AP3D1: variants seen among roughly 807,000 people sequenced by gnomAD.
AP3D1 encodes adaptor related protein complex 3 subunit delta 1.
AP3D1 carries 51 observed loss-of-function variants against 147.6 expected under a neutral mutation model. The observed-to-expected ratio is 0.35, with a 90% CI of 0.28 to 0.44. The LOEUF (loss-of-function observed/expected upper bound fraction) is 0.44. AP3D1 is among the 20% of genes least tolerant of loss of function. The pLI is 1.00. For synonymous variants in AP3D1, 760 were observed against 663.0 expected, an observed-to-expected ratio of 1.15 and a Z score of -2.25; for missense variants, 1,421 against 1,624.2, an observed-to-expected ratio of 0.87 and a Z score of 2.15.
chr19:2,163,847 C>T (rs1039650706), intron 1 of AP3D1, among the ~76,000 whole-genome samples: 2 of 149,902 alleles, frequency 1.3e-5, no homozygotes, highest in Non-Finnish European at 3.0e-5. Flanking sequence ...CGCGGGTCGG[C>T]CCGCTGGGCG....
At chr19:2,111,427 A>C (rs531889742) in intron 25 of AP3D1, 95 bp from the exon 26 acceptor site, 1 of 1,482,972 alleles carries the variant, frequency 6.7e-7, no homozygotes, top group East Asian at 2.3e-5. Flanking sequence ...GAATGCCACG[A>C]CTCCAAGAAT....
At chr19:2,110,368 A>T (rs2018236873) in intron 27 of AP3D1, 144 bp from the exon 28 acceptor site, 1 of 724,470 alleles carries the variant, frequency 1.4e-6, no homozygotes. Context: ...AGGGGACAGG[A>T]GCAGAAACAA....
At chr19:2,108,641 G>A (rs1371965789) in intron 31 of AP3D1, 46 bp downstream of exon 31, 2 of 1,535,196 alleles carry the variant, frequency 1.3e-6, no homozygotes, top group East Asian at 4.9e-5. Flanking sequence ...CATGACCCCA[G>A]GAGAGGTGGC....
At chr19:2,161,468 G>A (rs2019698184) in intron 1 of AP3D1, among the ~76,000 whole-genome samples, 1 of 151,838 alleles carries the variant, frequency 6.6e-6, no homozygotes, top group Non-Finnish European at 1.5e-5. Context: ...GGCTGTCTGG[G>A]CCTGATAATT....
chr19:2,156,719 G>A (rs1218584227), intron 1 of AP3D1, among the ~76,000 whole-genome samples: 2 of 152,024 alleles, frequency 1.3e-5, no homozygotes, highest in African/African-American at 2.4e-5. Context: ...CTTGGTGGCG[G>A]GTGCCTGTAA....
At chr19:2,136,089 T>C (rs926881130) in intron 4 of AP3D1, among the ~76,000 whole-genome samples, 3 of 147,328 alleles carry the variant, frequency 2.0e-5, no homozygotes, top group Admixed American at 6.7e-5. Flanking sequence ...CCCGCCCAGG[T>C]CCCTCCTGCT....
In AP3D1 at chr19:2,108,706, A is replaced by G; in HGVS notation, c.3533T>C (p.Val1178Ala). ...GCTCACCTTTTTCACCAGGAGGCAG[A>G]CATGGTGGCCCTGGATGGAGCGGCT... ...MYSRSIQGHH[V>A]CLLVKKGENS... The change falls in exon 31 of 32, where the codon GTC becomes GCC. Residue 1178 changes from valine (V) to alanine (A), a missense_variant. Val to Ala is a moderately conservative substitution (Grantham distance 64, BLOSUM62 0). This residue lies in a region of AP3D1 where 791 missense variants were observed against 761.4 expected (regional missense o/e 1.04). Transcript: ENST00000643116. The G allele has an allele frequency of 6.3e-7, 1 of 1,583,194 alleles. No individual in the cohort carries two copies. Among genetic ancestry groups the G allele is most frequent in the African/African-American group, 1.3e-5 (1 of 74,128 alleles).
upstream of AP3D1, among the ~76,000 whole-genome samples, chr19:2,155,924 G>A (rs921490680): frequency 1.3e-5 from 2 of 151,378 alleles, no homozygotes; most frequent in African/African-American, 4.9e-5. Context: ...TTGGTGGCGG[G>A]CGCCTGTAGT....
At chr19:2,123,708 A>T in intron 10 of AP3D1, 122 bp downstream of exon 10, 1 of 1,251,484 alleles carries the variant, frequency 8.0e-7, no homozygotes, top group Non-Finnish European at 1.1e-6. Context: ...GTGCCCTCCC[A>T]AGCCGCAAGA....
chr19:2,112,940 T>C lies in AP3D1; in HGVS notation c.2707A>G (p.Thr903Ala), dbSNP rs1428346609. Residue 903 changes from threonine to alanine, a missense_variant, in exon 24 of 32, where the codon ACC (threonine) becomes GCC (alanine). Coordinates refer to ENST00000643116, the MANE Select transcript of AP3D1 (RefSeq NM_001261826.3). ...TGELSVNTVT[T>A]PKDECEDAKT... is the part of the protein sequence containing the mutation. ...GCGTCCTCACACTCGTCCTTCGGGGTAGTGACAGTGTTCACACTGAGCTCC... is the reference window on the plus strand; with the variant it reads ...GCGTCCTCACACTCGTCCTTCGGGGCAGTGACAGTGTTCACACTGAGCTCC... 1.2e-6 allele frequency: 2 copies of C among 1,612,628 alleles called. No homozygotes were observed. Among genetic ancestry groups the C allele is most frequent in the African/African-American group, 1.3e-5 (1 of 74,824 alleles).
chr19:2,101,958 T>C lies in AP3D1; in HGVS notation c.*215A>G, dbSNP rs2017965645. The C allele has an allele frequency of 3.7e-6, 2 of 538,942 alleles. No homozygotes were observed. Among genetic ancestry groups the C allele is most frequent in the Non-Finnish European group, 3.3e-6 (1 of 304,380 alleles). 33.4% of individuals were successfully genotyped at this position (538,942 alleles called of 1,614,324 possible). A position where few individuals can be genotyped will look rare whatever the true frequency, so the allele number is the denominator to read the frequency against. On this transcript the variant is annotated 3_prime_UTR_variant, in exon 32 of 32. Transcript: ENST00000643116. ...GGTTTGGGGGCGAGAAGGGGACTTC[T>C]TGCCAAAGAGAATGGGAAGAGTCAC... is the stretch of plus-strand genomic sequence containing the variant.
chr19:2,126,672 G>T (rs111315425), intron 9 of AP3D1, among the ~76,000 whole-genome samples: 1 of 141,510 alleles, frequency 7.1e-6, no homozygotes, highest in Admixed American at 7.0e-5. Context: ...AAAAAAAAAA[G>T]AAAGAAAAAG....
At chr19:2,134,318 G>A (rs1348097299) in intron 4 of AP3D1, among the ~76,000 whole-genome samples, 1 of 152,044 alleles carries the variant, frequency 6.6e-6, no homozygotes, top group Admixed American at 6.6e-5. Flanking sequence ...CTACTCAGGA[G>A]GCTAAGGTGG....
At chr19:2,150,935 C>T (rs1360255377) in intron 1 of AP3D1, among the ~76,000 whole-genome samples, 2 of 152,158 alleles carry the variant, frequency 1.3e-5, no homozygotes, top group African/African-American at 2.4e-5. Flanking sequence ...AGGGGGAGGG[C>T]ACCTATAGGC....
chr19:2,121,896 G>A lies in AP3D1; in HGVS notation c.956-17C>T, dbSNP rs557584892. 7.5e-6 allele frequency: 12 copies of A among 1,591,678 alleles called. No individual in the cohort carries two copies. In the East Asian group the frequency reaches 2.3e-4, roughly 31 times the overall value. ...GGTACTTCACTGCAGAGAGAGGCCA[G>A]AGCCGGGTCACTGGGACGGACACAG... is the stretch of plus-strand genomic sequence containing the variant. On this transcript the variant is annotated splice_polypyrimidine_tract_variant and intron_variant, in intron 11 of 31. Transcript: ENST00000643116.
chr19:2,127,757 C>G (rs1488457800), intron 8 of AP3D1, among the ~76,000 whole-genome samples: 1 of 152,218 alleles, frequency 6.6e-6, no homozygotes, highest in East Asian at 1.9e-4. Context: ...GAACTCCTGA[C>G]CTCAAGTGAT....
chr19:2,114,684 G>A, intron 21 of AP3D1, 64 bp downstream of exon 21: 7 of 1,457,940 alleles, frequency 4.8e-6, no homozygotes, highest in South Asian at 1.2e-5. Flanking sequence ...CGGAAGGGAG[G>A]ACGAGAGGAA....
upstream of AP3D1, among the ~76,000 whole-genome samples, chr19:2,155,828 G>A (rs1467810138): frequency 7.2e-5 from 11 of 152,058 alleles, no homozygotes; most frequent in Admixed American, 2.6e-4. Flanking sequence ...CGAGGTGGGC[G>A]GATCAGGAGG....
chr19:2,138,086 C>G (rs1362708592), intron 2 of AP3D1, among the ~76,000 whole-genome samples: 1 of 152,220 alleles, frequency 6.6e-6, no homozygotes, highest in Non-Finnish European at 1.5e-5. Context: ...GCTACATTCC[C>G]CTACCAACCC....
Sources: gnomAD v4.1 joint callset for allele counts (sites outside exome capture counted in the v4.1 genomes callset) on GRCh38, gnomAD v4.1.1 for gene constraint, gnomAD v4.1.1 regional missense constraint, MANE v1.5 for transcripts, NCBI Gene and HGNC (gene_info 2026-07-23, HGNC 2026-07-21) for gene names.